Variants in NECAB3 observed in about 807,000 individuals in gnomAD.
NECAB3 encodes N-terminal EF-hand calcium binding protein 3, also known as N-terminal EF-hand calcium-binding protein 3.
A neutral mutation model predicts 57.2 loss-of-function variants in NECAB3; 38 were observed. The observed-to-expected ratio is 0.66, with a 90% CI of 0.51 to 0.87. NECAB3 has a LOEUF of 0.87. Among genes scored for constraint, NECAB3 ranks in the 40% least tolerant of loss-of-function variants. The probability of loss-of-function intolerance (pLI) is 0.00; values close to 1 mark genes in which losing one functional copy is unlikely to be tolerated. For missense variants in NECAB3, 474 were observed against 527.5 expected (o/e 0.90, Z 0.99); for synonymous variants, 223 against 222.6 (o/e 1.00, Z -0.02).
At chr20:33,667,503 T>G in intron 5 of NECAB3, 1 of 1,515,910 alleles carries the variant, frequency 6.6e-7, no homozygotes, top group Non-Finnish European at 8.8e-7. Flanking sequence ...GCCACATGGC[T>G]AGCACCGCGT....
Position 33,674,286 on chromosome 20 carries a change from T to C in NECAB3, c.67A>G (p.Thr23Ala). The C allele has an allele frequency of 8.1e-7, 1 of 1,227,086 alleles. No individual in the cohort carries two copies. Among genetic ancestry groups the C allele is most frequent in the Non-Finnish European group, 1.0e-6 (1 of 984,454 alleles). The allele number at this position is 1,227,086 out of a possible 1,614,324, so 76.0% of individuals were successfully genotyped here. A position where few individuals can be genotyped will look rare whatever the true frequency, so the allele number is the denominator to read the frequency against. Residue 23 changes from threonine to alanine, a missense_variant, in exon 1 of 12, where the codon ACC (threonine) becomes GCC (alanine). Physicochemically the swap from Thr to Ala is moderately conservative, Grantham distance 58. Coordinates refer to ENST00000246190, the MANE Select transcript of NECAB3 (RefSeq NM_031232.4). The stretch of plus-strand genomic sequence containing the variant: ...GGCGCGAGCTGGGGGTGCCGCGGGG[T>C]CTGGGGCTGGGGCTGGGGCGCGGGC... Reference protein sequence around the residue: ...RPPAPQPQPQTPRHPQLAPDP... With the variant: ...RPPAPQPQPQAPRHPQLAPDP...
intron 5 of NECAB3, among the ~76,000 whole-genome samples, chr20:33,661,121 A>G (rs1262238644): frequency 1.3e-5 from 2 of 152,236 alleles, no homozygotes; most frequent in African/African-American, 4.8e-5. Flanking sequence ...CAGCACATGG[A>G]GCTGCAAGAA....
At chr20:33,669,636 C>T (rs377535723) in intron 4 of NECAB3, 51 bp downstream of exon 4, 26 of 1,557,522 alleles carry the variant, frequency 1.7e-5, no homozygotes, top group East Asian at 9.3e-5. Flanking sequence ...GCCACACGTA[C>T]CCTGGGGCCC....
Position 33,670,580 on chromosome 20 carries a change from G to A in NECAB3, c.263+104C>T, listed in dbSNP as rs938377537. On this transcript the variant is annotated intron_variant, in intron 3 of 11. Transcript: ENST00000246190. ...ACTGAGCCCTGGTACCTTTCTCCCTGCCCCCTCTTCCTCATCCTACAAAAG... is the reference window on the plus strand; with the variant it reads ...ACTGAGCCCTGGTACCTTTCTCCCTACCCCCTCTTCCTCATCCTACAAAAG... 23 of 767,738 alleles carry A rather than the reference G, an allele frequency of 3.0e-5. No individual in the cohort carries two copies. In the East Asian group the frequency reaches 6.4e-4, roughly 21 times the overall value. The allele number at this position is 767,738 out of a possible 1,614,324, so 47.6% of individuals were successfully genotyped here.
chr20:33,660,338 T>C lies in NECAB3; in HGVS notation c.445A>G (p.Thr149Ala). ...QFVTRFLLRE[T>A]VSQLQALQSS... ...TGAAGGGCTTGCAGCTGGCTCACCGTCTCCCGCAGCAGGAAGCGCGTCACA... is the reference window on the plus strand; with the variant it reads ...TGAAGGGCTTGCAGCTGGCTCACCGCCTCCCGCAGCAGGAAGCGCGTCACA... The change falls in exon 6 of 12, where the codon ACG (threonine) becomes GCG (alanine). Residue 149 changes from threonine to alanine, a missense_variant. Physicochemically the swap from Thr to Ala is moderately conservative, Grantham distance 58 (BLOSUM62 0). Transcript: ENST00000246190. This position sits in a 1 kb window ranked among gnomAD's most constrained non-coding sequence, Gnocchi z 4.1. 1 of 1,613,350 alleles carries C rather than the reference T, an allele frequency of 6.2e-7. No homozygotes were observed. Among genetic ancestry groups the C allele is most frequent in the Non-Finnish European group, 8.5e-7 (1 of 1,179,922 alleles).
At chr20:33,663,727 G>A in intron 5 of NECAB3, 2 of 1,534,826 alleles carry the variant, frequency 1.3e-6, no homozygotes, top group South Asian at 1.2e-5. Context: ...GCGGCGGCCG[G>A]AAGAGGGCGG....
At chr20:33,663,999 G>A (rs1442548561) in intron 5 of NECAB3, 3 of 755,790 alleles carry the variant, frequency 4.0e-6, no homozygotes, top group Non-Finnish European at 5.8e-6. Context: ...GGTGAACGGG[G>A]CGTGATGAAG....
intron 5 of NECAB3, among the ~76,000 whole-genome samples, chr20:33,661,639 G>A (rs78267624): frequency 6.6e-6 from 1 of 152,286 alleles, no homozygotes; most frequent in East Asian, 1.9e-4. Flanking sequence ...ACTACTGCAA[G>A]AAGAATTTCA....
chr20:33,674,482 G>A (rs2017911422), upstream of NECAB3: 1 of 833,738 alleles, frequency 1.2e-6, no homozygotes, highest in African/African-American at 1.8e-5. Context: ...CCCCCGCCCC[G>A]CCCCCGCGGA....
chr20:33,673,150 A>G (rs1424909164), intron 1 of NECAB3, among the ~76,000 whole-genome samples: 1 of 152,106 alleles, frequency 6.6e-6, no homozygotes, highest in Non-Finnish European at 1.5e-5. Flanking sequence ...GGCAGAGAGG[A>G]GCAGAGTCAA....
chr20:33,660,199 A>C lies in NECAB3; in HGVS notation c.524+60T>G, dbSNP rs2017421946. 3 of 1,583,660 alleles carry C rather than the reference A, an allele frequency of 1.9e-6. No homozygotes were observed. In the East Asian group the frequency reaches 6.8e-5, roughly 36 times the overall value. On this transcript the variant is annotated intron_variant, in intron 6 of 11. Coordinates refer to ENST00000246190, the MANE Select transcript of NECAB3 (RefSeq NM_031232.4). This position sits in a 1 kb window ranked among gnomAD's most constrained non-coding sequence, Gnocchi z 4.1. ...GGATGCTGGGACTGTGGGGATTTGG[A>C]ATGGGGGTACAATGGGCGCTTGTGC...
At position 33,660,738 on chromosome 20, in the gene NECAB3, G is replaced by A. The variant is rs77972315; in HGVS notation, c.388-343C>T. Among the ~76,000 whole-genome samples the A allele has an allele frequency of 0.019, 2,833 of 152,326 alleles. 59 individuals are homozygous for A. Among genetic ancestry groups the A allele is most frequent in the Non-Finnish European group, 0.025 (1,671 of 68,020 alleles). ...AGTCCCAGCCACAGCTAGGCTGGGT[G>A]GGGGCTATCACGAGGTATCCAAGGG... On this transcript the variant is annotated intron_variant, in intron 5 of 11. Transcript: ENST00000246190. The surrounding 1 kb of genome is among the most constrained non-coding windows in gnomAD (Gnocchi z 4.1).
At position 33,660,438 on chromosome 20, in the gene NECAB3, A is replaced by G; in HGVS notation, c.388-43T>C. ...ACGGTCAGCATCTCCCAGCCCGGGC[A>G]CTGATCTCTTGAGTGGGTCCCCTGC... On this transcript the variant is annotated intron_variant, in intron 5 of 11. Coordinates refer to ENST00000246190, the MANE Select transcript of NECAB3 (RefSeq NM_031232.4). The surrounding 1 kb of genome is among the most constrained non-coding windows in gnomAD (Gnocchi z 4.1). 6.2e-7 allele frequency: 1 copy of G among 1,602,832 alleles called. No homozygotes were observed. Among genetic ancestry groups the G allele is most frequent in the Non-Finnish European group, 8.5e-7 (1 of 1,172,668 alleles).
chr20:33,674,206 G>C lies in NECAB3; in HGVS notation c.129+18C>G. 1 of 1,257,918 alleles carries C rather than the reference G, an allele frequency of 7.9e-7. No individual in the cohort carries two copies. The highest frequency in any genetic ancestry group is 1.0e-6 in the Non-Finnish European group (1 of 1,001,472). 77.9% of individuals were successfully genotyped at this position (1,257,918 alleles called of 1,614,324 possible). On this transcript the variant is annotated intron_variant, in intron 1 of 11. Transcript: ENST00000246190. ...CTCGGGTAGGGAGACACCGCGAGCA[G>C]AGCCCGCGCCCACTCACGTCCTGGA...
At position 33,659,386 on chromosome 20, in the gene NECAB3, G is replaced by A. The variant is rs755558445; in HGVS notation, c.879+111C>T. 28 of 913,372 alleles carry A rather than the reference G, an allele frequency of 3.1e-5. 1 individual carries two copies. The highest frequency in any genetic ancestry group is 2.2e-4 in the African/African-American group (13 of 59,554). The allele number at this position is 913,372 out of a possible 1,614,324, so 56.6% of individuals were successfully genotyped here. A position where few individuals can be genotyped will look rare whatever the true frequency, so the allele number is the denominator to read the frequency against. Reference sequence around the variant, plus strand: ...GCACCTGCTTGCCAGGCCTGGGGGCGGGGCACATGCGCACTGCAGAGGGTT... The same window carrying A: ...GCACCTGCTTGCCAGGCCTGGGGGCAGGGCACATGCGCACTGCAGAGGGTT... On this transcript the variant is annotated intron_variant, in intron 8 of 11. Coordinates refer to ENST00000246190, the MANE Select transcript of NECAB3 (RefSeq NM_031232.4).
intron 3 of NECAB3, chr20:33,670,092 AG>A (rs1759255201): frequency 4.5e-6 from 1 of 221,248 alleles, no homozygotes; most frequent in Non-Finnish European, 8.8e-6. Flanking sequence ...GGTTTCCTAG[AG>A]GAAGAGCTGC....
intron 5 of NECAB3, chr20:33,667,562 C>A (rs779510428): frequency 3.2e-6 from 5 of 1,551,682 alleles, no homozygotes; most frequent in Non-Finnish European, 8.7e-7. Flanking sequence ...GCCGTGGAGG[C>A]GGGCGCGGGC....
chr20:33,660,532 G>T lies in NECAB3; in HGVS notation c.388-137C>A. On this transcript the variant is annotated intron_variant, in intron 5 of 11. Transcript: ENST00000246190. The surrounding 1 kb of genome is among the most constrained non-coding windows in gnomAD (Gnocchi z 4.1). ...CACGCAAACCTGGCACAGGCAGGAG[G>T]GTACTGAGACCTGATGGGCAGGGAG... The T allele has an allele frequency of 8.5e-7, 1 of 1,182,566 alleles. No individual in the cohort carries two copies. Among genetic ancestry groups the T allele is most frequent in the Non-Finnish European group, 1.2e-6 (1 of 848,534 alleles). 73.3% of individuals were successfully genotyped at this position (1,182,566 alleles called of 1,614,324 possible).
intron 3 of NECAB3, 174 bp downstream of exon 3, chr20:33,670,510 C>G: frequency 1.9e-6 from 1 of 523,146 alleles, no homozygotes; most frequent in Non-Finnish European, 3.4e-6. Flanking sequence ...GTGTAGTGGG[C>G]AAGGCTGTAG....
Sources: allele counts gnomAD v4.1 joint callset (sites outside exome capture counted in the v4.1 genomes callset), GRCh38; gene constraint gnomAD v4.1.1; non-coding constraint Gnocchi (gnomAD v3.1); transcripts MANE v1.5; gene names NCBI Gene and HGNC (gene_info 2026-07-23, HGNC 2026-07-21).